RBM33: variants seen among roughly 807,000 people sequenced by gnomAD.
RBM33 encodes RNA-binding protein 33.
RBM33 carries 28 observed loss-of-function variants against 132.6 expected under a neutral mutation model. The observed-to-expected ratio is 0.21, with a 90% CI of 0.16 to 0.29. The LOEUF (loss-of-function observed/expected upper bound fraction) is 0.29. RBM33 is among the 10% of genes least tolerant of loss of function. RBM33 has a pLI of 1.00. For synonymous variants in RBM33, 634 were observed against 593.0 expected (o/e 1.07, Z -1.01); for missense variants, 1,291 against 1,518.5 (o/e 0.85, Z 2.49).
At chr7:155,712,922 C>T (rs988809271) in intron 8 of RBM33, among the ~76,000 whole-genome samples, 6 of 152,114 alleles carry the variant, frequency 3.9e-5, no homozygotes, top group Non-Finnish European at 7.4e-5. Context: ...CTCTTGCTGC[C>T]GTGTTGAGAG....
At chr7:155,772,160 GTGT>G (rs1394575325) in intron 16 of RBM33, among the ~76,000 whole-genome samples, 2 of 151,804 alleles carry the variant, frequency 1.3e-5, no homozygotes, top group African/African-American at 2.4e-5. Flanking sequence ...TCACTTTTGA[GTGT>G]TGTTTAAACC....
At chr7:155,647,384 G>A (rs1243435400) in intron 1 of RBM33, among the ~76,000 whole-genome samples, 2 of 152,092 alleles carry the variant, frequency 1.3e-5, no homozygotes, top group African/African-American at 4.8e-5. Context: ...CCACAATCTG[G>A]ATAGCCAAAA....
At position 155,696,257 on chromosome 7, in the gene RBM33, G is replaced by A. The variant is rs372965905; in HGVS notation, c.568-4516G>A. Among the ~76,000 whole-genome samples the A allele has an allele frequency of 1.4e-4, 22 of 152,288 alleles. 1 individual carries two copies. Among genetic ancestry groups the A allele is most frequent in the Admixed American group, 9.8e-4 (15 of 15,292 alleles). ...GAATTTCTGTATAAATTGTGGAACG[G>A]ACTTGTGAATAACTACTTAAAAGTC... On this transcript the variant is annotated intron_variant, in intron 5 of 17. Transcript: ENST00000401878.
rs369078260 is a variant in RBM33, at chr7:155,673,800, A to ACACACACACACC, written c.171+886_171+887insACACACACACCC. On this transcript the variant is annotated intron_variant, in intron 3 of 17. Coordinates refer to ENST00000401878, the MANE Select transcript of RBM33 (RefSeq NM_053043.3). ...CACACACACACACACACACACACAC[A>ACACACACACACC]CCCCTACCAGTATATTTCGGACATT... Among the ~76,000 whole-genome samples, 33 of 141,936 alleles carry ACACACACACACC rather than the reference A, an allele frequency of 2.3e-4. 1 individual carries two copies. The highest frequency in any genetic ancestry group is 1.1e-3 in the Admixed American group (16 of 14,552). The allele number at this position is 141,936 out of a possible 152,430, so 93.1% of individuals were successfully genotyped here.
At chr7:155,666,738 A>G (rs1798813106) in intron 2 of RBM33, among the ~76,000 whole-genome samples, 1 of 151,958 alleles carries the variant, frequency 6.6e-6, no homozygotes, top group African/African-American at 2.4e-5. Flanking sequence ...TCTTTTGTTT[A>G]TTGATTTTAG....
At chr7:155,679,862 A>G (rs1416170828) in intron 4 of RBM33, among the ~76,000 whole-genome samples, 3 of 152,316 alleles carry the variant, frequency 2.0e-5, no homozygotes, top group African/African-American at 4.8e-5. Flanking sequence ...ACAGATTTGC[A>G]CGATCTTACA....
At chr7:155,749,304 A>G (rs1801621114) in intron 14 of RBM33, among the ~76,000 whole-genome samples, 1 of 152,124 alleles carries the variant, frequency 6.6e-6, no homozygotes. Context: ...AGTAGTGGCT[A>G]TTATTTATTG....
chr7:155,673,616 GTATA>G (rs144366043), intron 3 of RBM33, among the ~76,000 whole-genome samples: 2 of 55,916 alleles, frequency 3.6e-5, no homozygotes, highest in Non-Finnish European at 7.4e-5. Context: ...ATACACACGT[GTATA>G]TATATACACA....
chr7:155,745,498 A>G lies in RBM33; in HGVS notation c.2875A>G (p.Thr959Ala), dbSNP rs1049344568. Residue 959 changes from threonine (T) to alanine (A), a missense_variant, in exon 14 of 18, where the codon ACA becomes GCA. Thr to Ala is a moderately conservative substitution (Grantham distance 58, BLOSUM62 0). Coordinates refer to ENST00000401878, the MANE Select transcript of RBM33 (RefSeq NM_053043.3). The surrounding 1 kb of genome is among the most constrained non-coding windows in gnomAD (Gnocchi z 4.1). ...VASIQGRPQD[T>A]KPGVKRTVTH... ...GTCCATCCAGGGCCGGCCCCAGGAC[A>G]CAAAGCCTGGCGTGAAAAGGACTGT... 6.2e-6 allele frequency: 10 copies of G among 1,613,444 alleles called. No individual in the cohort carries two copies. The highest frequency in any genetic ancestry group is 1.3e-5 in the African/African-American group (1 of 74,894).
intron 16 of RBM33, among the ~76,000 whole-genome samples, chr7:155,767,244 G>A (rs151261425): frequency 2.4e-3 from 373 of 152,362 alleles, no homozygotes; most frequent in African/African-American, 8.7e-3. Flanking sequence ...GGAAACTCCT[G>A]GTCTCTGTAG....
chr7:155,668,953 A>G (rs982679561), intron 2 of RBM33, among the ~76,000 whole-genome samples: 2 of 151,592 alleles, frequency 1.3e-5, no homozygotes, highest in Non-Finnish European at 2.9e-5. Context: ...CTATGATGGA[A>G]CTTGTTTTGG....
intron 1 of RBM33, among the ~76,000 whole-genome samples, chr7:155,651,178 G>A (rs1216319548): frequency 6.6e-6 from 1 of 152,104 alleles, no homozygotes; most frequent in Non-Finnish European, 1.5e-5. Flanking sequence ...GCACCTGGCC[G>A]ACAGCTTCTT....
intron 5 of RBM33, among the ~76,000 whole-genome samples, chr7:155,692,591 G>A (rs1010197504): frequency 6.6e-6 from 1 of 152,206 alleles, no homozygotes; most frequent in African/African-American, 2.4e-5. Context: ...TGGGAGTGGG[G>A]CTTCTTGGAG....
intron 3 of RBM33, 31 bp from the exon 4 acceptor site, chr7:155,678,577 A>T: frequency 7.8e-7 from 1 of 1,282,298 alleles, no homozygotes; most frequent in Non-Finnish European, 1.1e-6. Flanking sequence ...TGGAAGTGAC[A>T]CACATTAATT....
chr7:155,690,442 T>C (rs1453349048), intron 5 of RBM33, among the ~76,000 whole-genome samples: 2 of 152,190 alleles, frequency 1.3e-5, no homozygotes, highest in African/African-American at 4.8e-5. Context: ...CTGTGTCTTT[T>C]AATTGGAGCA....
Position 155,780,138 on chromosome 7 carries a change from C to G in RBM33, c.*5097C>G, listed in dbSNP as rs906572632. The G allele has an allele frequency of 2.0e-5, 3 of 152,076 alleles. No homozygotes were observed. The highest frequency in any genetic ancestry group is 4.4e-5 in the Non-Finnish European group (3 of 68,020). 9.4% of individuals were successfully genotyped at this position (152,076 alleles called of 1,614,324 possible). On this transcript the variant is annotated 3_prime_UTR_variant, in exon 18 of 18. Transcript: ENST00000401878. ...AAACTGCTTTTCATTTTAAGGGCAC[C>G]CGTGGCGGAAGCTGGTTTTGCAAGG...
intron 1 of RBM33, among the ~76,000 whole-genome samples, chr7:155,645,994 A>G (rs1798178418): frequency 6.6e-6 from 1 of 152,236 alleles, no homozygotes; most frequent in Non-Finnish European, 1.5e-5. Flanking sequence ...TTCAGTTTAA[A>G]TACATGATGT....
chr7:155,691,488 ATTTAT>A (rs1221205533), intron 5 of RBM33, among the ~76,000 whole-genome samples: 1 of 152,016 alleles, frequency 6.6e-6, no homozygotes, highest in African/African-American at 2.4e-5. Context: ...TTTCCTTGTA[ATTTAT>A]TTTAGTTTTT....
chr7:155,666,046 G>A (rs1798791845), intron 2 of RBM33, among the ~76,000 whole-genome samples: 1 of 152,214 alleles, frequency 6.6e-6, no homozygotes, highest in South Asian at 2.1e-4. Flanking sequence ...TTCACATAAA[G>A]CTGATTGCTC....
Sources: gnomAD v4.1 joint callset for allele counts (sites outside exome capture counted in the v4.1 genomes callset) on GRCh38, gnomAD v4.1.1 for gene constraint, Gnocchi (gnomAD v3.1) non-coding constraint, MANE v1.5 for transcripts, NCBI Gene and HGNC (gene_info 2026-07-23, HGNC 2026-07-21) for gene names.